The following PDZRN4 variants were observed in gnomAD, a reference collection of about 807,000 sequenced individuals.
PDZRN4 encodes the protein PDZ domain containing ring finger 4, also known as PDZ domain-containing RING finger protein 4.
Under a neutral mutation model 99.0 loss-of-function variants are expected in PDZRN4, and 70 were observed. That is an observed-to-expected ratio of 0.71 (90% CI 0.58 to 0.86). The LOEUF (loss-of-function observed/expected upper bound fraction) is 0.86, where lower values mean the gene tolerates loss of function less well. Among genes scored for constraint, PDZRN4 ranks in the 40% least tolerant of loss-of-function variants. The pLI, the probability that PDZRN4 is intolerant of heterozygous loss-of-function variation, is 0.00. For missense variants in PDZRN4, 1,474 were observed against 1,331.2 expected, an observed-to-expected ratio of 1.11 and a Z score of -1.67; for synonymous variants, 551 against 501.6, an observed-to-expected ratio of 1.10 and a Z score of -1.32.
At chr12:41,337,005 T>C (rs1951780408) in intron 3 of PDZRN4, among the ~76,000 whole-genome samples, 1 of 152,104 alleles carries the variant, frequency 6.6e-6, no homozygotes, top group Non-Finnish European at 1.5e-5. Flanking sequence ...TAAACTGTAA[T>C]TTCTAATCTT....
At chr12:41,537,914 G>A (rs1270018642) in intron 5 of PDZRN4, among the ~76,000 whole-genome samples, 1 of 151,934 alleles carries the variant, frequency 6.6e-6, no homozygotes, top group Non-Finnish European at 1.5e-5. Context: ...ATCTGGTTCT[G>A]ATGCCAGCAG....
chr12:41,473,746 C>T (rs1025760545), intron 3 of PDZRN4, among the ~76,000 whole-genome samples: 1 of 152,226 alleles, frequency 6.6e-6, no homozygotes, highest in African/African-American at 2.4e-5. Context: ...TGATCTTTGT[C>T]TCTACCTCTT....
intron 5 of PDZRN4, among the ~76,000 whole-genome samples, chr12:41,544,215 T>A (rs1237025153): frequency 1.3e-5 from 2 of 152,232 alleles, no homozygotes; most frequent in Non-Finnish European, 2.9e-5. Context: ...CTAGAGGAAT[T>A]CTTAGAATGA....
chr12:41,310,710 T>A (rs1399269250), intron 3 of PDZRN4, among the ~76,000 whole-genome samples: 1 of 152,222 alleles, frequency 6.6e-6, no homozygotes, highest in African/African-American at 2.4e-5. Context: ...AGGCTACTTT[T>A]TTCCCCCACG....
At chr12:41,455,456 A>G (rs1418100929) in intron 3 of PDZRN4, among the ~76,000 whole-genome samples, 1 of 152,226 alleles carries the variant, frequency 6.6e-6, no homozygotes, top group Non-Finnish European at 1.5e-5. Flanking sequence ...TAATTCAAAT[A>G]CAAAGAGTTG....
chr12:41,248,288 G>C (rs187798068), intron 3 of PDZRN4, among the ~76,000 whole-genome samples: 485 of 152,188 alleles, frequency 3.2e-3, no homozygotes, highest in African/African-American at 7.2e-3. Flanking sequence ...TAAATCTTAT[G>C]GGTTATCAAG....
intron 3 of PDZRN4, among the ~76,000 whole-genome samples, chr12:41,356,974 G>A (rs999599517): frequency 6.6e-6 from 1 of 151,936 alleles, no homozygotes; most frequent in Non-Finnish European, 1.5e-5. Flanking sequence ...GGGAATCAGG[G>A]TTAGAACTCA....
In PDZRN4 at chr12:41,339,335, C is replaced by T. The variant is rs190548829; in HGVS notation, c.843+145147C>T. ...GAACACATGTTGGGGAAAGAATACTCTTTTCACTAAATGGTGCTGGGAAAC... is the reference window on the plus strand; with the variant it reads ...GAACACATGTTGGGGAAAGAATACTTTTTTCACTAAATGGTGCTGGGAAAC... On this transcript the variant is annotated intron_variant, in intron 3 of 9. Coordinates refer to ENST00000402685, the MANE Select transcript of PDZRN4 (RefSeq NM_001164595.2). 5.3e-5 allele frequency among the ~76,000 whole-genome samples: 8 copies of T among 152,184 alleles called. No homozygotes were observed. In the East Asian group the frequency reaches 1.6e-3, roughly 30 times the overall value.
In PDZRN4 at chr12:41,497,307, A is replaced by G. The variant is rs17129407; in HGVS notation, c.844-9149A>G. The stretch of plus-strand genomic sequence containing the variant: ...TAATGACAATGACATTTTTTTCCCA[A>G]TGAAATAATTTGAGTTTATTTCAAG... On this transcript the variant is annotated intron_variant, in intron 3 of 9. Coordinates refer to ENST00000402685, the MANE Select transcript of PDZRN4 (RefSeq NM_001164595.2). 2.0e-3 allele frequency among the ~76,000 whole-genome samples: 303 copies of G among 152,200 alleles called. 6 individuals carry two copies. The East Asian group carries it at 0.037, about 19-fold the overall frequency.
At chr12:41,519,200 T>C (rs922478211) in intron 5 of PDZRN4, among the ~76,000 whole-genome samples, 3 of 152,044 alleles carry the variant, frequency 2.0e-5, no homozygotes, top group African/African-American at 7.2e-5. Context: ...AAATTAAGCA[T>C]GCTCTGCCCC....
intron 5 of PDZRN4, among the ~76,000 whole-genome samples, chr12:41,537,000 C>T (rs1938760044): frequency 6.6e-6 from 1 of 152,086 alleles, no homozygotes; most frequent in Admixed American, 6.6e-5. Context: ...TCCTGAGTAT[C>T]AGTATTATTT....
intron 7 of PDZRN4, among the ~76,000 whole-genome samples, chr12:41,563,333 C>T (rs1187096669): frequency 2.0e-5 from 3 of 152,134 alleles, no homozygotes; most frequent in East Asian, 1.9e-4. Context: ...AACATAACTG[C>T]TTCCTCTGAT....
In PDZRN4 at chr12:41,194,559, C is replaced by T. The variant is rs184403981; in HGVS notation, c.843+371C>T. Among the ~76,000 whole-genome samples the T allele has an allele frequency of 4.8e-3, 733 of 152,170 alleles. 2 individuals are homozygous for T. Among genetic ancestry groups the T allele is most frequent in the Non-Finnish European group, 6.2e-3 (420 of 67,996 alleles). On this transcript the variant is annotated intron_variant, in intron 3 of 9. Coordinates refer to ENST00000402685, the MANE Select transcript of PDZRN4 (RefSeq NM_001164595.2). ...AGGAGGCTGAGGTGGGTGGATCACTCGATGTTAAACCCAGGAGGTCAAGGC... is the reference window on the plus strand; with the variant it reads ...AGGAGGCTGAGGTGGGTGGATCACTTGATGTTAAACCCAGGAGGTCAAGGC...
At chr12:41,378,546 G>A (rs1286938547) in intron 3 of PDZRN4, among the ~76,000 whole-genome samples, 2 of 34,948 alleles carry the variant, frequency 5.7e-5, no homozygotes. Context: ...TTTTGAGACA[G>A]AGTTTTGCTC....
At chr12:41,555,565 T>C (rs117676392) in intron 6 of PDZRN4, 133 bp from the exon 7 acceptor site, 7,052 of 624,806 alleles carry the variant, frequency 0.011, 65 homozygotes, top group Non-Finnish European at 0.015. Flanking sequence ...TGGAGAGAAA[T>C]ATTATGTATA....
At position 41,264,250 on chromosome 12, in the gene PDZRN4, T is replaced by A. The variant is rs370600772; in HGVS notation, c.843+70062T>A. On this transcript the variant is annotated intron_variant, in intron 3 of 9. Coordinates refer to ENST00000402685, the MANE Select transcript of PDZRN4 (RefSeq NM_001164595.2). ...AATTGCAAAGACTATCAAGTGACTT[T>A]GGCTTTATGAAAGTAAACTTCAACC... Among the ~76,000 whole-genome samples, 3 of 152,298 alleles carry A rather than the reference T, an allele frequency of 2.0e-5. No individual in the cohort carries two copies. The East Asian group carries it at 5.8e-4, about 29-fold the overall frequency.
intron 3 of PDZRN4, among the ~76,000 whole-genome samples, chr12:41,394,087 G>C (rs1952228477): frequency 6.6e-6 from 1 of 152,166 alleles, no homozygotes; most frequent in African/African-American, 2.4e-5. Flanking sequence ...AACATGATCA[G>C]ATTAAGTGAG....
chr12:41,199,508 T>A (rs978821467), intron 3 of PDZRN4, among the ~76,000 whole-genome samples: 2 of 152,162 alleles, frequency 1.3e-5, no homozygotes, highest in Non-Finnish European at 2.9e-5. Context: ...CACTACTGGG[T>A]ATCTACCCAA....
intron 3 of PDZRN4, among the ~76,000 whole-genome samples, chr12:41,451,665 T>C (rs1027762819): frequency 1.3e-5 from 2 of 152,206 alleles, no homozygotes; most frequent in Non-Finnish European, 2.9e-5. Flanking sequence ...TCTAAGATCA[T>C]CTCATTGATT....
Sources: allele counts gnomAD v4.1 joint callset (sites outside exome capture counted in the v4.1 genomes callset), GRCh38; gene constraint gnomAD v4.1.1; transcripts MANE v1.5; gene names NCBI Gene and HGNC (gene_info 2026-07-23, HGNC 2026-07-21).